Variants in PPDPFL observed in about 807,000 individuals in gnomAD.
The protein encoded by PPDPFL is pancreatic progenitor cell differentiation and proliferation factor like, also known as pancreatic progenitor cell differentiation and proliferation factor-like protein.
In PPDPFL, 12 loss-of-function variants were observed where a neutral mutation model predicts 12.6. The observed-to-expected ratio is 0.95, with a 90% CI of 0.61 to 1.54. The LOEUF is 1.54. PPDPFL is among the 40% of genes most tolerant of loss of function. The probability of loss-of-function intolerance (pLI) is 0.00; values close to 1 mark genes in which losing one functional copy is unlikely to be tolerated. For synonymous variants in PPDPFL, 24 were observed against 32.7 expected (o/e 0.73, Z 0.91); for missense variants, 114 against 96.0 (o/e 1.19, Z -0.78).
upstream of PPDPFL, among the ~76,000 whole-genome samples, chr8:49,069,890 G>A (rs553737107): frequency 2.0e-5 from 3 of 152,228 alleles, no homozygotes; most frequent in South Asian, 6.2e-4. Context: ...AGCCGAGATC[G>A]CCCACTGCAC....
At chr8:49,055,471 G>A (rs1241805139) in intron 1 of PPDPFL, among the ~76,000 whole-genome samples, 1 of 152,032 alleles carries the variant, frequency 6.6e-6, no homozygotes, top group Non-Finnish European at 1.5e-5. Context: ...GATATGTCCT[G>A]GTCTCAGCCT....
intron 1 of PPDPFL, among the ~76,000 whole-genome samples, chr8:49,055,038 G>T (rs1259956829): frequency 6.6e-6 from 1 of 152,136 alleles, no homozygotes; most frequent in Non-Finnish European, 1.5e-5. Flanking sequence ...AGCTCAATAT[G>T]TTTGAAACTG....
At chr8:49,061,683 G>A (rs1808206919) in intron 1 of PPDPFL, among the ~76,000 whole-genome samples, 1 of 152,174 alleles carries the variant, frequency 6.6e-6, no homozygotes, top group African/African-American at 2.4e-5. Context: ...GGAGAGTGGG[G>A]AATATTGATG....
chr8:49,063,623 CAAG>C (rs1463048200), intron 1 of PPDPFL, among the ~76,000 whole-genome samples: 2 of 151,798 alleles, frequency 1.3e-5, no homozygotes, highest in Admixed American at 6.6e-5. Context: ...GAGGCTCAGG[CAAG>C]AAGATCACTT....
chr8:49,067,787 C>G (rs988919221), upstream of PPDPFL, among the ~76,000 whole-genome samples: 3 of 152,194 alleles, frequency 2.0e-5, no homozygotes, highest in African/African-American at 7.2e-5. Context: ...TAGGGCACAT[C>G]CTACAACTTG....
chr8:49,074,109 T>G lies in PPDPFL; in HGVS notation c.106T>G (p.Phe36Val), dbSNP rs1293522548. The G allele has an allele frequency of 9.3e-6, 15 of 1,613,244 alleles. No individual in the cohort carries two copies. Among genetic ancestry groups the G allele is most frequent in the Non-Finnish European group, 1.3e-5 (15 of 1,179,230 alleles). The change falls in exon 3 of 5, where the codon TTC becomes GTC. Residue 36 changes from phenylalanine to valine, a missense_variant. By Grantham distance (50) the Phe-to-Val change is conservative. Coordinates refer to ENST00000522267, the MANE Select transcript of PPDPFL (RefSeq NM_001256597.2). ...TTTAACTAGCTCTGATTCTGTTAAC[T>G]TCATAGATGACGACAAACCACAGCA... ...SSLTSSDSVN[F>V]IDDDKPQQGL... is the part of the protein sequence containing the mutation.
intron 1 of PPDPFL, among the ~76,000 whole-genome samples, chr8:49,060,935 ATG>A (rs2129243867): frequency 6.6e-6 from 1 of 152,254 alleles, no homozygotes; most frequent in African/African-American, 2.4e-5. Flanking sequence ...TGAACAGGTG[ATG>A]CTCAAGGACT....
intron 4 of PPDPFL, chr8:49,074,686 T>C: frequency 6.7e-7 from 1 of 1,489,602 alleles, no homozygotes; most frequent in Admixed American, 2.2e-5. Context: ...CTAGTTGTTG[T>C]CTTAAATAAC....
upstream of PPDPFL, among the ~76,000 whole-genome samples, chr8:49,069,107 G>A (rs534415799): frequency 2.8e-4 from 43 of 152,212 alleles, no homozygotes; most frequent in Middle Eastern, 3.4e-3. Flanking sequence ...AAGGTAAAAC[G>A]TTAGTAATGA....
At chr8:49,073,606 C>T (rs1808432799) in intron 2 of PPDPFL, among the ~76,000 whole-genome samples, 1 of 152,122 alleles carries the variant, frequency 6.6e-6, no homozygotes, top group South Asian at 2.1e-4. Context: ...TTATAAGAGA[C>T]ATAGGTTTTA....
upstream of PPDPFL, among the ~76,000 whole-genome samples, chr8:49,067,823 G>C (rs1398802191): frequency 6.6e-6 from 1 of 152,188 alleles, no homozygotes; most frequent in African/African-American, 2.4e-5. Context: ...GCAGAGGACA[G>C]CTCCATTTTC....
intron 1 of PPDPFL, among the ~76,000 whole-genome samples, chr8:49,064,177 G>A (rs1457341903): frequency 2.0e-5 from 3 of 152,124 alleles, no homozygotes; most frequent in Non-Finnish European, 4.4e-5. Flanking sequence ...AGCCAAGGGC[G>A]AGCCATATGA....
chr8:49,070,013 C>T (rs1808353818), upstream of PPDPFL, among the ~76,000 whole-genome samples: 1 of 152,118 alleles, frequency 6.6e-6, no homozygotes, highest in African/African-American at 2.4e-5. Context: ...CAGTGGTAGA[C>T]TGGATAAAGA....
intron 1 of PPDPFL, among the ~76,000 whole-genome samples, chr8:49,056,573 A>G (rs777267139): frequency 6.6e-6 from 1 of 152,210 alleles, no homozygotes; most frequent in Non-Finnish European, 1.5e-5. Flanking sequence ...ATACATACAC[A>G]AAAAGTCTTT....
At chr8:49,061,458 G>GC (rs1164187466) in intron 1 of PPDPFL, among the ~76,000 whole-genome samples, 1 of 152,172 alleles carries the variant, frequency 6.6e-6, no homozygotes, top group Non-Finnish European at 1.5e-5. Context: ...TATTACAGTG[G>GC]CCTTAGCAAA....
In PPDPFL at chr8:49,058,826, C is replaced by T. The variant is rs143451681; in HGVS notation, c.-45+4457C>T. On this transcript the variant is annotated intron_variant, in intron 1 of 4. Transcript: ENST00000517663. ...TTGATGCTTGGCTGTCATTGTGCAT[C>T]TCCTCAGAGGGCTGAGCGCCACCTC... 4.6e-4 allele frequency among the ~76,000 whole-genome samples: 70 copies of T among 152,318 alleles called. No individual in the cohort carries two copies. In the East Asian group the frequency reaches 0.013, roughly 29 times the overall value.
chr8:49,068,731 T>C (rs1450423185), upstream of PPDPFL, among the ~76,000 whole-genome samples: 3 of 152,154 alleles, frequency 2.0e-5, no homozygotes, highest in Non-Finnish European at 4.4e-5. Flanking sequence ...AGAAACACTG[T>C]GGTACTCACT....
At chr8:49,062,620 G>A (rs1203954538) in intron 1 of PPDPFL, among the ~76,000 whole-genome samples, 3 of 152,164 alleles carry the variant, frequency 2.0e-5, no homozygotes, top group Non-Finnish European at 4.4e-5. Context: ...GGAATGACAA[G>A]ATCCCCCAAG....
upstream of PPDPFL, among the ~76,000 whole-genome samples, chr8:49,070,972 C>T (rs1050939652): frequency 1.3e-5 from 2 of 152,104 alleles, no homozygotes; most frequent in Non-Finnish European, 2.9e-5. Context: ...TACATTAGAT[C>T]TCTAGAAGTA....
Sources: gnomAD v4.1 joint callset for allele counts (sites outside exome capture counted in the v4.1 genomes callset) on GRCh38, gnomAD v4.1.1 for gene constraint, MANE v1.5 for transcripts, NCBI Gene and HGNC (gene_info 2026-07-23, HGNC 2026-07-21) for gene names.